Variants in SNAP91 observed in about 807,000 individuals in gnomAD.
SNAP91 encodes the protein synaptosome associated protein 91.
Under a neutral mutation model 100.3 loss-of-function variants are expected in SNAP91, and 27 were observed. That is an observed-to-expected ratio of 0.27 (90% CI 0.20 to 0.37). SNAP91 has a LOEUF of 0.37. Ranked by LOEUF, SNAP91 falls within the 10% of genes least tolerant of loss-of-function variation. SNAP91 has a pLI of 1.00. For synonymous variants in SNAP91, 404 were observed against 398.6 expected, an observed-to-expected ratio of 1.01 and a Z score of -0.16; for missense variants, 986 against 1,123.7, an observed-to-expected ratio of 0.88 and a Z score of 1.75.
At chr6:83,663,566 C>T (rs1394153480) in intron 3 of SNAP91, among the ~76,000 whole-genome samples, 1 of 152,040 alleles carries the variant, frequency 6.6e-6, no homozygotes, top group Non-Finnish European at 1.5e-5. Flanking sequence ...AAGGCCTCAA[C>T]TTTTTTTCAA....
intron 8 of SNAP91, among the ~76,000 whole-genome samples, chr6:83,637,236 T>G (rs2097496801): frequency 6.6e-6 from 1 of 152,126 alleles, no homozygotes; most frequent in Non-Finnish European, 1.5e-5. Context: ...GCTGCACCCA[T>G]GTTTTCTTTG....
chr6:83,628,524 T>G, intron 8 of SNAP91, among the ~76,000 whole-genome samples: 1 of 125,626 alleles, frequency 8.0e-6, no homozygotes, highest in East Asian at 2.4e-4. Flanking sequence ...ACATCTACTG[T>G]TTTTTTTTTT....
Position 83,593,261 on chromosome 6 carries a change from TA to T in SNAP91, c.1697-3del. On this transcript the variant is annotated splice_region_variant and splice_polypyrimidine_tract_variant and intron_variant, in intron 18 of 29. Coordinates refer to ENST00000369694, the MANE Select transcript of SNAP91 (RefSeq NM_001242792.2). ...CTTCAGGAGTGGACTCAAATAAATCTAAGACCAAGAACACACATGCCTTTAC... is the reference window on the plus strand; with the variant it reads ...CTTCAGGAGTGGACTCAAATAAATCTAGACCAAGAACACACATGCCTTTAC... The T allele has an allele frequency of 6.3e-7, 1 of 1,586,398 alleles. No individual in the cohort carries two copies. The highest frequency in any genetic ancestry group is 1.2e-5 in the South Asian group (1 of 86,440).
intron 2 of SNAP91, among the ~76,000 whole-genome samples, chr6:83,669,203 G>A (rs906615392): frequency 6.6e-6 from 1 of 151,912 alleles, no homozygotes; most frequent in Admixed American, 6.6e-5. Context: ...AGGTTGTAGG[G>A]TATGCACATA....
At chr6:83,579,369 A>G (rs1393995922) in intron 24 of SNAP91, among the ~76,000 whole-genome samples, 1 of 152,120 alleles carries the variant, frequency 6.6e-6, no homozygotes, top group African/African-American at 2.4e-5. Context: ...TTGTGAGATG[A>G]AATTTTAGTA....
intron 29 of SNAP91, among the ~76,000 whole-genome samples, chr6:83,554,992 GTACTTATCAAAGTTCCTGGCA>G (rs1438186483): frequency 2.0e-5 from 3 of 152,038 alleles, no homozygotes. Context: ...TCTGTTTCCT[GTACTTATCAAAGTTCCTGGCA>G]TATGATTAGG....
intron 26 of SNAP91, among the ~76,000 whole-genome samples, chr6:83,563,202 G>A (rs142206419): frequency 5.9e-5 from 9 of 152,312 alleles, no homozygotes; most frequent in African/African-American, 2.2e-4. Flanking sequence ...ACCCGCTTTT[G>A]AGGCCTGTCA....
intron 8 of SNAP91, among the ~76,000 whole-genome samples, chr6:83,636,718 G>A (rs1200901040): frequency 6.6e-6 from 1 of 152,184 alleles, no homozygotes; most frequent in East Asian, 1.9e-4. Context: ...ATCCTTTAGA[G>A]GTAAACAAAA....
chr6:83,554,986 T>C (rs1775690439), intron 29 of SNAP91, among the ~76,000 whole-genome samples: 1 of 152,178 alleles, frequency 6.6e-6, no homozygotes, highest in African/African-American at 2.4e-5. Flanking sequence ...AGCATATCTG[T>C]TTCCTGTACT....
rs944113261 is a variant in SNAP91 at position 83,593,044 on chromosome 6, C to G, written c.1775-27G>C. ...TTCCAAAAGTGAAACAAACCAAAACCAAGCAGAGGTAAGTAGTAGAAAGCT... is the reference window on the plus strand; with the variant it reads ...TTCCAAAAGTGAAACAAACCAAAACGAAGCAGAGGTAAGTAGTAGAAAGCT... On this transcript the variant is annotated intron_variant, in intron 19 of 29. Coordinates refer to ENST00000369694, the MANE Select transcript of SNAP91 (RefSeq NM_001242792.2). The G allele has an allele frequency of 1.9e-6, 3 of 1,559,450 alleles. No individual in the cohort carries two copies. In the African/African-American group the frequency reaches 4.1e-5, roughly 21 times the overall value.
chr6:83,663,408 G>A (rs181144737), intron 3 of SNAP91, among the ~76,000 whole-genome samples: 3 of 152,134 alleles, frequency 2.0e-5, no homozygotes, highest in African/African-American at 7.2e-5. Context: ...GAAAAGTCTT[G>A]AAGAAAATTG....
chr6:83,661,934 C>T (rs1031846251), intron 4 of SNAP91, among the ~76,000 whole-genome samples: 29 of 152,128 alleles, frequency 1.9e-4, no homozygotes, highest in African/African-American at 7.0e-4. Context: ...GCTTGATGTG[C>T]TTGCTTTACA....
At chr6:83,571,259 C>G (rs970887455) in intron 26 of SNAP91, among the ~76,000 whole-genome samples, 2 of 152,176 alleles carry the variant, frequency 1.3e-5, no homozygotes, top group African/African-American at 2.4e-5. Flanking sequence ...CATGTGCCAC[C>G]ATGAGCAGCT....
At chr6:83,559,931 T>G (rs1045733289) in intron 28 of SNAP91, among the ~76,000 whole-genome samples, 173 bp downstream of exon 28, 1 of 151,906 alleles carries the variant, frequency 6.6e-6, no homozygotes, top group African/African-American at 2.4e-5. Flanking sequence ...TTTCCATCAC[T>G]TTTTCCCCCC....
At chr6:83,646,680 T>C (rs1056492816) in intron 7 of SNAP91, among the ~76,000 whole-genome samples, 1 of 152,312 alleles carries the variant, frequency 6.6e-6, no homozygotes, top group East Asian at 1.9e-4. Flanking sequence ...GTGTTGGCTA[T>C]TCTGGGTCTT....
intron 8 of SNAP91, 134 bp from the exon 9 acceptor site, chr6:83,623,476 C>T: frequency 1.5e-6 from 1 of 657,252 alleles, no homozygotes; most frequent in Non-Finnish European, 2.7e-6. Context: ...ATCACTCTCA[C>T]TTGGAACATA....
intron 26 of SNAP91, among the ~76,000 whole-genome samples, chr6:83,564,344 T>A (rs1372652216): frequency 2.0e-5 from 3 of 149,824 alleles, no homozygotes; most frequent in Non-Finnish European, 4.4e-5. Flanking sequence ...TCTTTTTTTT[T>A]TTATATATAT....
intron 8 of SNAP91, among the ~76,000 whole-genome samples, chr6:83,626,496 A>G (rs544518152): frequency 5.9e-5 from 9 of 152,056 alleles, no homozygotes; most frequent in Non-Finnish European, 8.8e-5. Context: ...ATGAGCATGA[A>G]ATGTTTTTCC....
chr6:83,598,047 G>C (rs1226741741), intron 16 of SNAP91, among the ~76,000 whole-genome samples: 2 of 152,176 alleles, frequency 1.3e-5, no homozygotes, highest in African/African-American at 4.8e-5. Context: ...TGATTGAAAG[G>C]GTATCCTTGT....
Sources: gnomAD v4.1 joint callset for allele counts (sites outside exome capture counted in the v4.1 genomes callset) on GRCh38, gnomAD v4.1.1 for gene constraint, MANE v1.5 for transcripts, NCBI Gene and HGNC (gene_info 2026-07-23, HGNC 2026-07-21) for gene names.